The following UGT2A3 variants were observed in gnomAD, a reference collection of about 807,000 sequenced individuals.
The protein encoded by UGT2A3 is UDP glucuronosyltransferase family 2 member A3, also known as UDP-glucuronosyltransferase 2A3.
A neutral mutation model predicts 44.1 loss-of-function variants in UGT2A3; 55 were observed. That is an observed-to-expected ratio of 1.25 (90% CI 1.00 to 1.56). UGT2A3 has a LOEUF of 1.56. UGT2A3 is among the 40% of genes most tolerant of loss of function. The pLI is 0.00. For synonymous variants in UGT2A3, 243 were observed against 215.1 expected (o/e 1.13, Z -1.13); for missense variants, 733 against 621.6 (o/e 1.18, Z -1.91).
Position 68,930,732 on chromosome 4 carries a change from C to T in UGT2A3, c.1118G>A (p.Gly373Asp), listed in dbSNP as rs1457911167. 1 of 1,606,036 alleles carries T rather than the reference C, an allele frequency of 6.2e-7. No homozygotes were observed. Among genetic ancestry groups the T allele is most frequent in the Admixed American group, 1.7e-5 (1 of 58,124 alleles). The change falls in exon 5 of 6, where the codon GGT becomes GAT. Residue 373 changes from glycine (G) to aspartate (D), a missense_variant. Coordinates refer to ENST00000251566, the MANE Select transcript of UGT2A3 (RefSeq NM_024743.4). ...HPKTKAFITH[G>D]GMNGIYEAIY... ...AGCTTCATAGATCCCATTCATTCCA[C>T]CATGAGTGATAAAAGCTTTGGTTTT...
chr4:68,935,252 G>A (rs1387536484), intron 2 of UGT2A3, among the ~76,000 whole-genome samples: 1 of 130,742 alleles, frequency 7.6e-6, no homozygotes, highest in East Asian at 2.3e-4. Context: ...CACCAGACAA[G>A]GAGGTGTGTA....
intron 1 of UGT2A3, among the ~76,000 whole-genome samples, chr4:68,949,086 C>A (rs74717436): frequency 0.13 from 19,906 of 151,684 alleles, 1,663 homozygotes; most frequent in East Asian, 0.34. Context: ...TCACCCATTT[C>A]CCCAGGGAGA....
At chr4:68,935,964 T>G (rs1717936127) in intron 2 of UGT2A3, among the ~76,000 whole-genome samples, 1 of 151,938 alleles carries the variant, frequency 6.6e-6, no homozygotes. Flanking sequence ...AAGATATCAG[T>G]GATTGAAGAT....
In UGT2A3 at chr4:68,935,805, A is replaced by G. The variant is rs148445710; in HGVS notation, c.865-3046T>C. Among the ~76,000 whole-genome samples, 549 of 152,192 alleles carry G rather than the reference A, an allele frequency of 3.6e-3. 4 individuals are homozygous for G. The highest frequency in any genetic ancestry group is 0.013 in the African/African-American group (529 of 41,558). ...GTTCTAACCCATCGCAAGGAAGACAAAAGCCTTGAGAAAAGGTTAGACAAA... is the reference window on the plus strand; with the variant it reads ...GTTCTAACCCATCGCAAGGAAGACAGAAGCCTTGAGAAAAGGTTAGACAAA... On this transcript the variant is annotated intron_variant, in intron 2 of 5. Transcript: ENST00000251566.
In UGT2A3 at chr4:68,929,720, A is replaced by AT; in HGVS notation, c.*92_*93insA. The AT allele has an allele frequency of 1.7e-6, 2 of 1,149,208 alleles. No individual in the cohort carries two copies. Among genetic ancestry groups the AT allele is most frequent in the Non-Finnish European group, 2.5e-6 (2 of 805,062 alleles). The allele number at this position is 1,149,208 out of a possible 1,614,324, so 71.2% of individuals were successfully genotyped here. On this transcript the variant is annotated 3_prime_UTR_variant, in exon 6 of 6. Transcript: ENST00000251566. Reference sequence around the variant, plus strand: ...TATAGCTAAGATAAAATAACAGAATAGATAATATGAAAATAGCAAGGTTTT... The same window carrying AT: ...TATAGCTAAGATAAAATAACAGAATATGATAATATGAAAATAGCAAGGTTTT...
At chr4:68,941,261 C>T (rs1718176730) in intron 2 of UGT2A3, among the ~76,000 whole-genome samples, 1 of 151,752 alleles carries the variant, frequency 6.6e-6, no homozygotes, top group Non-Finnish European at 1.5e-5. Context: ...GTATGCAGAA[C>T]TATCATTCAA....
chr4:68,945,070 G>A (rs1482361026), intron 2 of UGT2A3, among the ~76,000 whole-genome samples: 1 of 151,574 alleles, frequency 6.6e-6, no homozygotes, highest in Non-Finnish European at 1.5e-5. Context: ...CCAAACTATT[G>A]TAATACTAGT....
intron 2 of UGT2A3, among the ~76,000 whole-genome samples, chr4:68,939,091 A>T (rs1377729275): frequency 6.6e-6 from 1 of 152,156 alleles, no homozygotes; most frequent in Non-Finnish European, 1.5e-5. Context: ...CATGGATAGG[A>T]AGAATTAATA....
intron 2 of UGT2A3, among the ~76,000 whole-genome samples, chr4:68,938,414 T>A (rs1162324636): frequency 1.3e-5 from 2 of 151,976 alleles, no homozygotes; most frequent in African/African-American, 4.8e-5. Flanking sequence ...CACAAATCAA[T>A]AAATGTAATC....
intron 2 of UGT2A3, among the ~76,000 whole-genome samples, chr4:68,942,764 G>A (rs1484163549): frequency 1.3e-5 from 2 of 151,356 alleles, no homozygotes; most frequent in Non-Finnish European, 3.0e-5. Context: ...AGAGATAGTA[G>A]GGAGGGCAAT....
In UGT2A3 at chr4:68,948,680, T is replaced by C. The variant is rs138685329; in HGVS notation, c.715+2366A>G. Among the ~76,000 whole-genome samples, 518 of 151,942 alleles carry C rather than the reference T, an allele frequency of 3.4e-3. 6 individuals carry two copies. Among genetic ancestry groups the C allele is most frequent in the African/African-American group, 0.012 (495 of 41,514 alleles). ...TATCAGCACTGATAATGGTTATTTG[T>C]TCTTATCATTTGTATGTACACTGGA... On this transcript the variant is annotated intron_variant, in intron 1 of 5. Transcript: ENST00000251566.
At position 68,951,700 on chromosome 4, in the gene UGT2A3, C is replaced by A. The variant is rs1328659010; in HGVS notation, c.61G>T (p.Gly21Ter). ...CACACCAGGACTTTCCCACAGAATCCACAGCCAACACAGAAGAGCTGCAGG... is the reference window on the plus strand; with the variant it reads ...CACACCAGGACTTTCCCACAGAATCAACAGCCAACACAGAAGAGCTGCAGG... ...LLLQLFCVGC[G>*]FCGKVLVWPC... The change falls in exon 1 of 6, where the codon GGA (glycine) becomes TGA (stop). Residue 21 changes from glycine to a stop codon, truncating the protein, a stop_gained. Coordinates refer to ENST00000251566, the MANE Select transcript of UGT2A3 (RefSeq NM_024743.4). LOFTEE classifies it high-confidence loss of function. The A allele has an allele frequency of 6.2e-7, 1 of 1,610,214 alleles. No individual in the cohort carries two copies. The highest frequency in any genetic ancestry group is 1.3e-5 in the African/African-American group (1 of 74,730).
At chr4:68,940,791 T>C (rs11726662) in intron 2 of UGT2A3, among the ~76,000 whole-genome samples, 18,698 of 140,988 alleles carry the variant, frequency 0.13, 1,367 homozygotes, top group Non-Finnish European at 0.17. Context: ...AATATATATA[T>C]ACACACACAC....
rs1389872387 is a variant in UGT2A3, at chr4:68,929,697, T to C, written c.*116A>G. 7.1e-6 allele frequency: 7 copies of C among 981,208 alleles called. No homozygotes were observed. Among genetic ancestry groups the C allele is most frequent in the South Asian group, 1.8e-5 (1 of 55,632 alleles). 60.8% of individuals were successfully genotyped at this position (981,208 alleles called of 1,614,324 possible). A position where few individuals can be genotyped will look rare whatever the true frequency, so the allele number is the denominator to read the frequency against. On this transcript the variant is annotated 3_prime_UTR_variant, in exon 6 of 6. Coordinates refer to ENST00000251566, the MANE Select transcript of UGT2A3 (RefSeq NM_024743.4). ...CATGATCGTGGAATTCTAGGCTATA[T>C]AGCTAAGATAAAATAACAGAATAGA...
At chr4:68,942,749 G>A (rs1445387402) in intron 2 of UGT2A3, among the ~76,000 whole-genome samples, 1 of 151,346 alleles carries the variant, frequency 6.6e-6, no homozygotes, top group Non-Finnish European at 1.5e-5. Flanking sequence ...GTTACTAGAG[G>A]CTGAAGAGAT....
rs929150498 is a variant in UGT2A3, at chr4:68,928,905, C to T, written c.*908G>A. 6.6e-6 allele frequency: 1 copy of T among 151,990 alleles called. No homozygotes were observed. Among genetic ancestry groups the T allele is most frequent in the African/African-American group, 2.4e-5 (1 of 41,422 alleles). The allele number at this position is 151,990 out of a possible 1,614,324, so 9.4% of individuals were successfully genotyped here. A position where few individuals can be genotyped will look rare whatever the true frequency, so the allele number is the denominator to read the frequency against. On this transcript the variant is annotated 3_prime_UTR_variant, in exon 6 of 6. Coordinates refer to ENST00000251566, the MANE Select transcript of UGT2A3 (RefSeq NM_024743.4). ...TCACTGATCTTACTTTCAGAACAAG[C>T]ATCTCTTTATTTTTCTACAGTAAAT...
intron 2 of UGT2A3, among the ~76,000 whole-genome samples, chr4:68,943,988 G>C (rs1199037304): frequency 6.6e-6 from 1 of 151,758 alleles, no homozygotes; most frequent in Non-Finnish European, 1.5e-5. Context: ...CTCTTTCTTG[G>C]TCTCCATTCA....
rs759644343 is a variant in UGT2A3 at position 68,951,263 on chromosome 4, A to G, written c.498T>C (p.Phe166=). 6.2e-7 allele frequency: 1 copy of G among 1,611,780 alleles called. No homozygotes were observed. Among genetic ancestry groups the G allele is most frequent in the African/African-American group, 1.3e-5 (1 of 74,892 alleles). The change falls in exon 1 of 6, where the codon TTT becomes TTC. Residue 166 remains phenylalanine, a synonymous_variant. Coordinates refer to ENST00000251566, the MANE Select transcript of UGT2A3 (RefSeq NM_024743.4). ...DLMAELLAVP[F]VLTLRISVGG... ...CTACAGAAATTCTAAGTGTGAGCAC[A>G]AAAGGGACTGCAAGCAACTCAGCCA... is the stretch of plus-strand genomic sequence containing the variant.
In UGT2A3 at chr4:68,932,838, T is replaced by A. The variant is rs892985060; in HGVS notation, c.865-79A>T. On this transcript the variant is annotated intron_variant, in intron 2 of 5. Coordinates refer to ENST00000251566, the MANE Select transcript of UGT2A3 (RefSeq NM_024743.4). ...ATAAAGGTTACTTACACTTCTAAAA[T>A]AAATACTTGAGAAATTATTAATGTG... 4.4e-6 allele frequency: 6 copies of A among 1,376,982 alleles called. No individual in the cohort carries two copies. The African/African-American group carries it at 9.0e-5, about 21-fold the overall frequency. The allele number at this position is 1,376,982 out of a possible 1,614,324, so 85.3% of individuals were successfully genotyped here. A position where few individuals can be genotyped will look rare whatever the true frequency, so the allele number is the denominator to read the frequency against.
Sources: gnomAD v4.1 joint callset for allele counts (sites outside exome capture counted in the v4.1 genomes callset) on GRCh38, gnomAD v4.1.1 for gene constraint, MANE v1.5 for transcripts, NCBI Gene and HGNC (gene_info 2026-07-23, HGNC 2026-07-21) for gene names.